The following PTBP1 variants were observed in gnomAD, a reference collection of about 807,000 sequenced individuals.
PTBP1 encodes the protein polypyrimidine tract-binding protein 1.
Under a neutral mutation model 59.8 loss-of-function variants are expected in PTBP1, and 8 were observed. That is an observed-to-expected ratio of 0.13 (90% CI 0.08 to 0.24). The LOEUF (loss-of-function observed/expected upper bound fraction) is 0.24, where lower values mean the gene tolerates loss of function less well. PTBP1 is among the 10% of genes least tolerant of loss of function. The pLI is 1.00. For missense variants in PTBP1, 686 were observed against 767.0 expected, an observed-to-expected ratio of 0.89 and a Z score of 1.25; for synonymous variants, 490 against 320.7, an observed-to-expected ratio of 1.53 and a Z score of -5.64.
chr19:803,786 G>T, intron 3 of PTBP1, 150 bp downstream of exon 3: 1 of 841,172 alleles, frequency 1.2e-6, no homozygotes, highest in Non-Finnish European at 1.9e-6. Flanking sequence ...TCGCTGCAGA[G>T]AATTTCCAGG....
rs1183218139 is a variant in PTBP1 at position 806,441 on chromosome 19, C to T, written c.1004C>T (p.Ala335Val). The change falls in exon 10 of 15, where the codon GCC becomes GTC. Residue 335 changes from alanine (A) to valine (V), a missense_variant. By Grantham distance (64) the Ala-to-Val change is moderately conservative. Coordinates refer to ENST00000356948, the MANE Select transcript of PTBP1 (RefSeq NM_002819.5). ...LSVPNVHGAL[A>V]PLAIPSAAAA... ...GTTCCGAACGTCCACGGCGCCCTGG[C>T]CCCCCTGGCCATCCCCTCGGCGGCG... 1.2e-6 allele frequency: 2 copies of T among 1,601,100 alleles called. No individual in the cohort carries two copies. Among genetic ancestry groups the T allele is most frequent in the East Asian group, 2.3e-5 (1 of 43,358 alleles).
At position 804,059 on chromosome 19, in the gene PTBP1, T is replaced by C. The variant is rs1257514057; in HGVS notation, c.139T>C (p.Phe47Leu). 6.2e-7 allele frequency: 1 copy of C among 1,613,822 alleles called. No homozygotes were observed. The highest frequency in any genetic ancestry group is 1.7e-5 in the Admixed American group (1 of 59,972). The change falls in exon 4 of 15, where the codon TTC becomes CTC. Residue 47 changes from phenylalanine to leucine, a missense_variant. Coordinates refer to ENST00000356948, the MANE Select transcript of PTBP1 (RefSeq NM_002819.5). ...AGCAAACGGAAATGACAGCAAGAAG[T>C]TCAAAGGTGACAGCCGAAGTGCAGG... ...SAANGNDSKKFKGDSRSAGVP... is the reference protein window; with the variant it reads ...SAANGNDSKKLKGDSRSAGVP...
In PTBP1 at chr19:812,198, C is replaced by G. The variant is rs985115330; in HGVS notation, c.*1372C>G. On this transcript the variant is annotated 3_prime_UTR_variant, in exon 15 of 15. Coordinates refer to ENST00000356948, the MANE Select transcript of PTBP1 (RefSeq NM_002819.5). ...CGATGGCTTGTGACGCGGAGAGAAC[C>G]GATTAAAACCGTTTGAGAAACTCCT... 6.6e-6 allele frequency: 1 copy of G among 152,408 alleles called. No individual in the cohort carries two copies. Among genetic ancestry groups the G allele is most frequent in the Non-Finnish European group, 1.5e-5 (1 of 68,090 alleles). The allele number at this position is 152,408 out of a possible 1,614,324, so 9.4% of individuals were successfully genotyped here.
rs2034834407 is a variant in PTBP1 at position 810,925 on chromosome 19, G to T, written c.*99G>T. 1.7e-6 allele frequency: 2 copies of T among 1,207,032 alleles called. No individual in the cohort carries two copies. The highest frequency in any genetic ancestry group is 3.2e-5 in the African/African-American group (2 of 63,008). The allele number at this position is 1,207,032 out of a possible 1,614,324, so 74.8% of individuals were successfully genotyped here. On this transcript the variant is annotated 3_prime_UTR_variant, in exon 15 of 15. Coordinates refer to ENST00000356948, the MANE Select transcript of PTBP1 (RefSeq NM_002819.5). ...GCTGAAGTGACCTTAGCAGACCAGAGATTTTATTTTTTTAAAGAGAAATCA... is the reference window on the plus strand; with the variant it reads ...GCTGAAGTGACCTTAGCAGACCAGATATTTTATTTTTTTAAAGAGAAATCA...
chr19:808,956 T>C lies in PTBP1; in HGVS notation c.1463+194T>C, dbSNP rs566682314. Among the ~76,000 whole-genome samples, 6 of 152,292 alleles carry C rather than the reference T, an allele frequency of 3.9e-5. No homozygotes were observed. The East Asian group carries it at 5.8e-4, about 15-fold the overall frequency. Reference sequence around the variant, plus strand: ...CAAGGGAGGGGGTCGTTGGACACTTTGGAGGTTTTGGCTCAGGGGATGCTC... The same window carrying C: ...CAAGGGAGGGGGTCGTTGGACACTTCGGAGGTTTTGGCTCAGGGGATGCTC... On this transcript the variant is annotated intron_variant, in intron 13 of 14. Coordinates refer to ENST00000356948, the MANE Select transcript of PTBP1 (RefSeq NM_002819.5). The surrounding 1 kb of genome is among the most constrained non-coding windows in gnomAD (Gnocchi z 4.7).
chr19:805,083 TCA>T lies in PTBP1; in HGVS notation c.789_790del (p.Asn264ArgfsTer6). 6.2e-7 allele frequency: 1 copy of T among 1,613,870 alleles called. No individual in the cohort carries two copies. Among genetic ancestry groups the T allele is most frequent in the Non-Finnish European group, 8.5e-7 (1 of 1,179,882 alleles). On this transcript the variant is annotated frameshift_variant, in exon 8 of 15. Transcript: ENST00000356948. LOFTEE classifies it high-confidence loss of function. ...ATCGACTTTTCCAAGCTCACCAGCC[TCA>T]ACGTCAAGTACAACAATGACAAGAG...
rs2145036864 is a variant in PTBP1, at chr19:810,051, C to T, written c.1464-492C>T. On this transcript the variant is annotated intron_variant, in intron 13 of 14. Transcript: ENST00000356948. Reference sequence around the variant, plus strand: ...GCCTGGCAGAGTGGCTCACGCCTATCATCCCAGCACTTTAGGAGGCCGAGG... The same window carrying T: ...GCCTGGCAGAGTGGCTCACGCCTATTATCCCAGCACTTTAGGAGGCCGAGG... Among the ~76,000 whole-genome samples the T allele has an allele frequency of 1.3e-5, 2 of 152,264 alleles. 1 individual carries two copies. Among genetic ancestry groups the T allele is most frequent in the Non-Finnish European group, 2.9e-5 (2 of 68,022 alleles).
rs147466582 is a variant in PTBP1 at position 804,962 on chromosome 19, C to T, written c.717+23C>T. The T allele has an allele frequency of 3.7e-5, 59 of 1,612,116 alleles. No homozygotes were observed. The Middle Eastern group carries it at 9.9e-4, about 27-fold the overall frequency. ...CTGGTGAGTGGGGCTCCCGGGACGG[C>T]GCCCGCCCTGGCCCTGGCCCGGCGA... On this transcript the variant is annotated intron_variant, in intron 7 of 14. Coordinates refer to ENST00000356948, the MANE Select transcript of PTBP1 (RefSeq NM_002819.5).
Position 799,460 on chromosome 19 carries a change from TTGCTTCTCCG to T in PTBP1, c.39+20_39+29del. On this transcript the variant is annotated intron_variant, in intron 2 of 14. Transcript: ENST00000356948. ...GGTACAAAGGTAGGCACTTCTCACT[TTGCTTCTCCG>T]TGACGCTCCTCTGACCTTGTGCCGA... 3 of 1,613,022 alleles carry T rather than the reference TTGCTTCTCCG, an allele frequency of 1.9e-6. No individual in the cohort carries two copies. The highest frequency in any genetic ancestry group is 2.5e-6 in the Non-Finnish European group (3 of 1,179,454).
chr19:811,292 G>T lies in PTBP1; in HGVS notation c.*466G>T. The T allele has an allele frequency of 6.5e-6, 1 of 153,050 alleles. No homozygotes were observed. The highest frequency in any genetic ancestry group is 1.5e-5 in the Non-Finnish European group (1 of 68,526). 9.5% of individuals were successfully genotyped at this position (153,050 alleles called of 1,614,324 possible). On this transcript the variant is annotated 3_prime_UTR_variant, in exon 15 of 15. Coordinates refer to ENST00000356948, the MANE Select transcript of PTBP1 (RefSeq NM_002819.5). ...CAGGATCATGCAGCTGGGGCGCGGC[G>T]GCCGCGGCTGCGACACCCCAACCCC...
intron 2 of PTBP1, among the ~76,000 whole-genome samples, chr19:803,131 C>T (rs901505443): frequency 3.9e-5 from 6 of 152,188 alleles, no homozygotes; most frequent in African/African-American, 1.4e-4. Context: ...TGGGCCCTGC[C>T]GTGTGCTGCT....
At position 811,040 on chromosome 19, in the gene PTBP1, C is replaced by A. The variant is rs753887820; in HGVS notation, c.*214C>A. ...CTCAGGCTCTTGGTGACTGTGGCAG[C>A]GGGAGTTCCCGGCCCTCCACACCCG... On this transcript the variant is annotated 3_prime_UTR_variant, in exon 15 of 15. Coordinates refer to ENST00000356948, the MANE Select transcript of PTBP1 (RefSeq NM_002819.5). 32 of 489,470 alleles carry A rather than the reference C, an allele frequency of 6.5e-5. No homozygotes were observed. Among genetic ancestry groups the A allele is most frequent in the Non-Finnish European group, 1.0e-4 (30 of 290,862 alleles). The allele number at this position is 489,470 out of a possible 1,614,324, so 30.3% of individuals were successfully genotyped here.
intron 2 of PTBP1, among the ~76,000 whole-genome samples, chr19:802,932 G>A (rs62131351): frequency 6.6e-6 from 1 of 152,228 alleles, no homozygotes; most frequent in Non-Finnish European, 1.5e-5. Context: ...CCCTAGTCAC[G>A]GCCGCGATAC....
chr19:806,869 G>C (rs2034605208), intron 10 of PTBP1: 1 of 244,326 alleles, frequency 4.1e-6, no homozygotes, highest in South Asian at 1.3e-4. Context: ...CCAGCAGGCC[G>C]CCCTGCTGGT....
chr19:799,608 G>A (rs1185953764), intron 2 of PTBP1, among the ~76,000 whole-genome samples, 165 bp downstream of exon 2: 3 of 152,238 alleles, frequency 2.0e-5, no homozygotes, highest in Non-Finnish European at 4.4e-5. Flanking sequence ...TTTGAACCCC[G>A]GGCTCCAGTG....
rs1357581334 is a variant in PTBP1 at position 811,718 on chromosome 19, G to A, written c.*892G>A. 1.3e-5 allele frequency: 2 copies of A among 152,452 alleles called. No individual in the cohort carries two copies. The highest frequency in any genetic ancestry group is 6.5e-5 in the Admixed American group (1 of 15,284). 9.4% of individuals were successfully genotyped at this position (152,452 alleles called of 1,614,324 possible). ...CACAGGGAGCCCCGGTCCTATCTTA[G>A]AGCCCCTGAGCTTCAGGGAAGGGGC... is the stretch of plus-strand genomic sequence containing the variant. On this transcript the variant is annotated 3_prime_UTR_variant, in exon 15 of 15. Transcript: ENST00000356948.
In PTBP1 at chr19:799,561, C is replaced by T. The variant is rs976289106; in HGVS notation, c.39+118C>T. ...GGCGCTTTTCCATTCCTAAGGGGCA[C>T]TACCCTTGGTCTGGAATCTGGAGTT... On this transcript the variant is annotated intron_variant, in intron 2 of 14. Coordinates refer to ENST00000356948, the MANE Select transcript of PTBP1 (RefSeq NM_002819.5). 7 of 997,250 alleles carry T rather than the reference C, an allele frequency of 7.0e-6. No individual in the cohort carries two copies. The African/African-American group carries it at 9.5e-5, about 14-fold the overall frequency. 61.8% of individuals were successfully genotyped at this position (997,250 alleles called of 1,614,324 possible). A position where few individuals can be genotyped will look rare whatever the true frequency, so the allele number is the denominator to read the frequency against.
In PTBP1 at chr19:808,541, C is replaced by T. The variant is rs1206555750; in HGVS notation, c.1247-5C>T. Reference sequence around the variant, plus strand: ...CGCCTGGTCACGCGGGTGCTGCTCCCCCAGCCATGAGCCACCTGAACGGGC... The same window carrying T: ...CGCCTGGTCACGCGGGTGCTGCTCCTCCAGCCATGAGCCACCTGAACGGGC... On this transcript the variant is annotated splice_polypyrimidine_tract_variant and splice_region_variant and intron_variant, in intron 12 of 14. Coordinates refer to ENST00000356948, the MANE Select transcript of PTBP1 (RefSeq NM_002819.5). This position sits in a 1 kb window ranked among gnomAD's most constrained non-coding sequence, Gnocchi z 4.7. 1 of 1,583,756 alleles carries T rather than the reference C, an allele frequency of 6.3e-7. No individual in the cohort carries two copies. The highest frequency in any genetic ancestry group is 8.6e-7 in the Non-Finnish European group (1 of 1,167,324).
At chr19:799,270 G>T (rs1020289859) in intron 1 of PTBP1, 143 bp from the exon 2 acceptor site, 2 of 801,766 alleles carry the variant, frequency 2.5e-6, no homozygotes, top group Admixed American at 1.7e-5. Flanking sequence ...GCTTTCTCTA[G>T]CGGGGCCTCG....
Sources: allele counts gnomAD v4.1 joint callset (sites outside exome capture counted in the v4.1 genomes callset), GRCh38; gene constraint gnomAD v4.1.1; non-coding constraint Gnocchi (gnomAD v3.1); transcripts MANE v1.5; gene names NCBI Gene and HGNC (gene_info 2026-07-23, HGNC 2026-07-21).